The following RIT2 variants were observed in gnomAD, a reference collection of about 807,000 sequenced individuals.
The protein encoded by RIT2 is Ras like without CAAX 2.
RIT2 carries 24 observed loss-of-function variants against 23.7 expected under a neutral mutation model. That is an observed-to-expected ratio of 1.01 (90% confidence interval 0.73 to 1.43). RIT2 has a LOEUF of 1.43. Among genes scored for constraint, RIT2 ranks in the 40% most tolerant of loss-of-function variants. The pLI is 0.00. For synonymous variants in RIT2, 107 were observed against 91.1 expected, an observed-to-expected ratio of 1.17 and a Z score of -0.99; for missense variants, 236 against 266.9, an observed-to-expected ratio of 0.88 and a Z score of 0.81.
At chr18:42,876,061 CA>C (rs370856719) in intron 4 of RIT2, among the ~76,000 whole-genome samples, 3 of 148,768 alleles carry the variant, frequency 2.0e-5, no homozygotes, top group East Asian at 2.0e-4. Flanking sequence ...CTCATAAATC[CA>C]AAAAAAAAGT....
At chr18:42,764,754 C>A (rs1264612208) in intron 4 of RIT2, among the ~76,000 whole-genome samples, 1 of 152,234 alleles carries the variant, frequency 6.6e-6, no homozygotes, top group Non-Finnish European at 1.5e-5. Context: ...AGCATCACAT[C>A]ACTAATGTTA....
intron 2 of RIT2, among the ~76,000 whole-genome samples, chr18:42,987,176 G>C (rs192602163): frequency 1.6e-4 from 25 of 152,282 alleles, no homozygotes; most frequent in Admixed American, 8.5e-4. Flanking sequence ...GTTTATGTAT[G>C]TGTGTGCGTA....
chr18:43,042,271 G>A (rs914780990), intron 1 of RIT2, among the ~76,000 whole-genome samples: 8 of 152,066 alleles, frequency 5.3e-5, no homozygotes, highest in East Asian at 1.9e-4. Context: ...ACTTAAAACC[G>A]CCTCCAAATT....
chr18:42,871,053 C>T (rs1470116919), intron 4 of RIT2, among the ~76,000 whole-genome samples: 2 of 152,134 alleles, frequency 1.3e-5, no homozygotes, highest in African/African-American at 4.8e-5. Context: ...CTGTGATGAC[C>T]TACATCGTGC....
chr18:42,895,574 A>G (rs1908306141), intron 4 of RIT2, among the ~76,000 whole-genome samples: 1 of 152,208 alleles, frequency 6.6e-6, no homozygotes, highest in African/African-American at 2.4e-5. Context: ...GGTCAACACC[A>G]AAGTAAAAGG....
rs779402870 is a variant in RIT2 at position 42,743,726 on chromosome 18, GA to G, written c.427-7del. 20 of 1,576,096 alleles carry G rather than the reference GA, an allele frequency of 1.3e-5. No individual in the cohort carries two copies. The Middle Eastern group carries it at 5.1e-4, about 40-fold the overall frequency. On this transcript the variant is annotated splice_polypyrimidine_tract_variant and splice_region_variant and intron_variant, in intron 4 of 4. Coordinates refer to ENST00000326695, the MANE Select transcript of RIT2 (RefSeq NM_002930.4). ...AAGCCTTCTTCTGTAGAAACCTAAG[GA>G]AAAAACAAATAATATTAAAAAGACA...
At chr18:43,082,160 A>C (rs966729201) in intron 1 of RIT2, among the ~76,000 whole-genome samples, 1 of 152,008 alleles carries the variant, frequency 6.6e-6, no homozygotes, top group African/African-American at 2.4e-5. Context: ...CATTTCTTTG[A>C]GATTTTCTTG....
chr18:42,857,662 A>G (rs1477825766), intron 4 of RIT2, among the ~76,000 whole-genome samples: 1 of 152,224 alleles, frequency 6.6e-6, no homozygotes, highest in East Asian at 1.9e-4. Context: ...TAAATCACAA[A>G]GTAAGAATTG....
At chr18:42,881,679 G>A in intron 4 of RIT2, among the ~76,000 whole-genome samples, 1 of 152,198 alleles carries the variant, frequency 6.6e-6, no homozygotes, top group East Asian at 1.9e-4. Context: ...TAAAATCTCA[G>A]CTCAGATCTA....
intron 2 of RIT2, among the ~76,000 whole-genome samples, chr18:42,989,255 T>C (rs937307988): frequency 6.6e-6 from 1 of 152,170 alleles, no homozygotes; most frequent in Non-Finnish European, 1.5e-5. Flanking sequence ...TTTCTGTACA[T>C]ACAAATCTCC....
intron 4 of RIT2, among the ~76,000 whole-genome samples, chr18:42,891,861 AAG>A (rs1211626790): frequency 6.6e-6 from 1 of 152,134 alleles, no homozygotes; most frequent in Non-Finnish European, 1.5e-5. Context: ...GTACAACAAT[AAG>A]AGTGAATCCA....
At chr18:42,788,569 T>C (rs1913972596) in intron 4 of RIT2, among the ~76,000 whole-genome samples, 1 of 152,198 alleles carries the variant, frequency 6.6e-6, no homozygotes, top group Non-Finnish European at 1.5e-5. Context: ...TGTATTTTAT[T>C]ATGTAATTTC....
intron 3 of RIT2, among the ~76,000 whole-genome samples, chr18:42,941,920 G>A (rs918162913): frequency 2.0e-5 from 3 of 152,032 alleles, no homozygotes; most frequent in Admixed American, 6.6e-5. Context: ...AAGATCACAC[G>A]ACTAGTTAGT....
chr18:42,835,670 T>C (rs1438617335), intron 4 of RIT2, among the ~76,000 whole-genome samples: 1 of 152,104 alleles, frequency 6.6e-6, no homozygotes. Context: ...AATTAATGCA[T>C]GTGAAGGCAG....
At chr18:42,831,107 A>G (rs1406505198) in intron 4 of RIT2, among the ~76,000 whole-genome samples, 2 of 152,222 alleles carry the variant, frequency 1.3e-5, no homozygotes, top group Non-Finnish European at 2.9e-5. Context: ...GCTGAGTTGT[A>G]TATTCCACCC....
rs1225043591 is a variant in RIT2, at chr18:42,924,870, A to T, written c.235-1107T>A. ...TGGGAGCATTTATGTAGATCCAGGA[A>T]CTTTGGAAAACTAGGGTGGTTGCAA... On this transcript the variant is annotated intron_variant, in intron 3 of 4. Coordinates refer to ENST00000326695, the MANE Select transcript of RIT2 (RefSeq NM_002930.4). Among the ~76,000 whole-genome samples the T allele has an allele frequency of 2.0e-5, 3 of 152,216 alleles. No individual in the cohort carries two copies. The East Asian group carries it at 5.8e-4, about 29-fold the overall frequency.
intron 3 of RIT2, among the ~76,000 whole-genome samples, chr18:42,927,424 C>T (rs1374908174): frequency 1.3e-5 from 2 of 150,466 alleles, no homozygotes; most frequent in Admixed American, 6.6e-5. Context: ...CTAAAAGATG[C>T]AGTAGAGGCT....
In RIT2 at chr18:43,026,054, A is replaced by T. The variant is rs533934101; in HGVS notation, c.160+7757T>A. 7.2e-5 allele frequency among the ~76,000 whole-genome samples: 11 copies of T among 152,224 alleles called. No individual in the cohort carries two copies. In the South Asian group the frequency reaches 2.3e-3, roughly 32 times the overall value. ...AAGTGAGGCAAGAGTAGAAACAAGG[A>T]TCTAAAATAATAATGTAGGCTGGGG... On this transcript the variant is annotated intron_variant, in intron 2 of 4. Coordinates refer to ENST00000326695, the MANE Select transcript of RIT2 (RefSeq NM_002930.4).
At chr18:42,984,796 G>A (rs1400860550) in intron 2 of RIT2, among the ~76,000 whole-genome samples, 5 of 152,004 alleles carry the variant, frequency 3.3e-5, no homozygotes, top group African/African-American at 1.2e-4. Context: ...ATTACTGGGT[G>A]TCTAAACAAA....
Sources: allele counts gnomAD v4.1 joint callset (sites outside exome capture counted in the v4.1 genomes callset), GRCh38; gene constraint gnomAD v4.1.1; transcripts MANE v1.5; gene names NCBI Gene and HGNC (gene_info 2026-07-23, HGNC 2026-07-21).